The following CECR2 variants were observed in gnomAD, a reference collection of about 807,000 sequenced individuals.
The protein encoded by CECR2 is CECR2 histone acetyl-lysine reader.
A neutral mutation model predicts 154.5 loss-of-function variants in CECR2; 30 were observed. The ratio of observed to expected loss-of-function variants is 0.19; its 90% confidence interval spans 0.15 to 0.26. CECR2 has a LOEUF of 0.26. Among genes scored for constraint, CECR2 ranks in the 10% least tolerant of loss-of-function variants. The pLI is 1.00. For synonymous variants in CECR2, 725 were observed against 683.7 expected (o/e 1.06, Z -0.94); for missense variants, 1,743 against 1,829.3 (o/e 0.95, Z 0.86).
chr22:17,491,055 C>T (rs1227406651), intron 2 of CECR2, among the ~76,000 whole-genome samples: 5 of 152,074 alleles, frequency 3.3e-5, no homozygotes, highest in African/African-American at 1.2e-4. Flanking sequence ...TGAATCAGTA[C>T]TTCATTCATT....
At chr22:17,511,077 G>C (rs191808924) in intron 7 of CECR2, among the ~76,000 whole-genome samples, 1 of 152,096 alleles carries the variant, frequency 6.6e-6, no homozygotes, top group Admixed American at 6.6e-5. Flanking sequence ...TTTTTGATGC[G>C]GAAGTCACGG....
intron 1 of CECR2, among the ~76,000 whole-genome samples, chr22:17,410,750 C>T (rs1208494918): frequency 2.0e-5 from 3 of 152,190 alleles, no homozygotes; most frequent in African/African-American, 7.2e-5. Context: ...CTGGCCAAAA[C>T]AAGCTTTAAT....
intron 1 of CECR2, among the ~76,000 whole-genome samples, chr22:17,406,881 C>A (rs2053992389): frequency 6.6e-6 from 1 of 152,182 alleles, no homozygotes; most frequent in African/African-American, 2.4e-5. Flanking sequence ...TAACCCTTTA[C>A]TGCCTGGCAT....
At chr22:17,427,123 TC>T (rs2054343607) in intron 1 of CECR2, among the ~76,000 whole-genome samples, 1 of 152,084 alleles carries the variant, frequency 6.6e-6, no homozygotes, top group Non-Finnish European at 1.5e-5. Context: ...TGGTTTTCTG[TC>T]CTTGTGATAG....
intron 2 of CECR2, among the ~76,000 whole-genome samples, chr22:17,485,719 G>A (rs1162533604): frequency 2.0e-5 from 3 of 152,120 alleles, no homozygotes; most frequent in Admixed American, 1.3e-4. Context: ...GGTTGCAGTG[G>A]AGATGGTGCC....
chr22:17,435,043 G>T (rs1042242893), intron 1 of CECR2, among the ~76,000 whole-genome samples: 1 of 152,160 alleles, frequency 6.6e-6, no homozygotes, highest in African/African-American at 2.4e-5. Context: ...GGCCGGATGT[G>T]CAGTTAATGA....
At chr22:17,481,799 G>A (rs1371332177) in intron 2 of CECR2, among the ~76,000 whole-genome samples, 1 of 152,158 alleles carries the variant, frequency 6.6e-6, no homozygotes, top group African/African-American at 2.4e-5. Flanking sequence ...AACAAACCTA[G>A]TGCGCTACCA....
intron 7 of CECR2, among the ~76,000 whole-genome samples, chr22:17,505,671 T>TTA (rs2055829427): frequency 6.6e-6 from 1 of 150,958 alleles, no homozygotes; most frequent in Non-Finnish European, 1.5e-5. Flanking sequence ...GTAGCTGGGA[T>TTA]TATAGGCTCA....
intron 1 of CECR2, among the ~76,000 whole-genome samples, chr22:17,445,829 G>A (rs977707512): frequency 1.3e-5 from 2 of 152,078 alleles, no homozygotes; most frequent in African/African-American, 4.8e-5. Flanking sequence ...CTGACCTCAA[G>A]TGATCCTCCT....
In CECR2 at chr22:17,554,008, C is replaced by T. The variant is rs760254660; in HGVS notation, c.*1168C>T. ...TATTTCAGTATATATAGTTTTTATT[C>T]GTTTTAAGTGAATCATAGTAAAATC... On this transcript the variant is annotated 3_prime_UTR_variant, in exon 19 of 19. Coordinates refer to ENST00000262608, the MANE Select transcript of CECR2 (RefSeq NM_001290047.2). 6.6e-6 allele frequency: 1 copy of T among 152,030 alleles called. No individual in the cohort carries two copies. The highest frequency in any genetic ancestry group is 1.5e-5 in the Non-Finnish European group (1 of 68,004). 9.4% of individuals were successfully genotyped at this position (152,030 alleles called of 1,614,324 possible).
intron 17 of CECR2, 72 bp from the exon 18 acceptor site, chr22:17,551,959 T>G (rs2056714497): frequency 5.6e-6 from 8 of 1,420,894 alleles, no homozygotes; most frequent in African/African-American, 1.4e-5. Context: ...CCCTCGTGAC[T>G]ACAGTGTCTT....
At chr22:17,514,069 G>A (rs948444201) in intron 8 of CECR2, among the ~76,000 whole-genome samples, 2 of 152,216 alleles carry the variant, frequency 1.3e-5, no homozygotes, top group Non-Finnish European at 2.9e-5. Flanking sequence ...GACTTTTTAA[G>A]CATGGAGGCA....
At chr22:17,505,126 C>T in intron 7 of CECR2, 110 bp downstream of exon 7, 1 of 1,072,404 alleles carries the variant, frequency 9.3e-7, no homozygotes, top group Non-Finnish European at 1.3e-6. Flanking sequence ...GGAAATAGTG[C>T]AGTCTTCCAT....
chr22:17,406,667 C>G (rs2053989712), intron 1 of CECR2, among the ~76,000 whole-genome samples: 1 of 152,128 alleles, frequency 6.6e-6, no homozygotes, highest in Admixed American at 6.5e-5. Flanking sequence ...CATTTCCCTT[C>G]CCCAGATTCT....
chr22:17,402,780 G>GTA (rs1191352196), intron 1 of CECR2, among the ~76,000 whole-genome samples: 1 of 114,126 alleles, frequency 8.8e-6, no homozygotes, highest in Admixed American at 1.1e-4. Flanking sequence ...TTTTGGAGAC[G>GTA]TAGTTTCACT....
At chr22:17,420,708 T>C (rs1422863324) in intron 1 of CECR2, among the ~76,000 whole-genome samples, 2 of 152,220 alleles carry the variant, frequency 1.3e-5, no homozygotes. Context: ...TATGGCATGA[T>C]AAAACAGTAA....
In CECR2 at chr22:17,393,171, C is replaced by T. The variant is rs145307641; in HGVS notation, c.126+23262C>T. 1.1e-4 allele frequency among the ~76,000 whole-genome samples: 16 copies of T among 152,284 alleles called. 1 individual carries two copies. In the East Asian group the frequency reaches 2.9e-3, roughly 28 times the overall value. ...CCTGTACCCTTGAGCTCCCTGCCTC[C>T]CCAGCTCTCCCTACCTCTTGTTTCC... On this transcript the variant is annotated intron_variant, in intron 1 of 18. Transcript: ENST00000262608.
intron 1 of CECR2, among the ~76,000 whole-genome samples, chr22:17,402,407 A>G (rs2053908408): frequency 2.0e-5 from 3 of 152,242 alleles, no homozygotes; most frequent in Admixed American, 2.0e-4. Context: ...TTTTCCTGTC[A>G]AGAGCCAGAT....
chr22:17,446,215 A>G lies in CECR2; in HGVS notation c.127-31373A>G, dbSNP rs577792899. Among the ~76,000 whole-genome samples the G allele has an allele frequency of 3.2e-4, 49 of 152,294 alleles. No individual in the cohort carries two copies. In the East Asian group the frequency reaches 7.2e-3, roughly 22 times the overall value. ...GCAGTAGTTGTTTTATTTTAGCTAC[A>G]CTTAAAAATCCCAAGTCAGGTGTTG... On this transcript the variant is annotated intron_variant, in intron 1 of 18. Coordinates refer to ENST00000262608, the MANE Select transcript of CECR2 (RefSeq NM_001290047.2).
Sources: gnomAD v4.1 joint callset for allele counts (sites outside exome capture counted in the v4.1 genomes callset) on GRCh38, gnomAD v4.1.1 for gene constraint, MANE v1.5 for transcripts, NCBI Gene and HGNC (gene_info 2026-07-23, HGNC 2026-07-21) for gene names.